The following ALG13 variants were observed in gnomAD, a reference collection of about 807,000 sequenced individuals.
The protein encoded by ALG13 is UDP-N-acetylglucosamine transferase subunit ALG13.
ALG13 carries 11 observed loss-of-function variants against 87.8 expected under a neutral mutation model. The ratio of observed to expected loss-of-function variants is 0.13; its 90% CI spans 0.08 to 0.21. The LOEUF is 0.21. Among genes scored for constraint, ALG13 ranks in the 10% least tolerant of loss-of-function variants. ALG13 has a pLI of 1.00. For missense variants in ALG13, 756 were observed against 866.1 expected (o/e 0.87, Z 1.60); for synonymous variants, 320 against 306.3 (o/e 1.04, Z -0.47).
In ALG13 at chrX:111,708,203, C is replaced by T; in HGVS notation, c.560C>T (p.Pro187Leu). Residue 187 changes from proline (P) to leucine (L), a missense_variant, in exon 4 of 27, where the codon CCC (proline) becomes CTC (leucine). Transcript: ENST00000394780. ...CATCCTACCTGCACCCTGCTTTTTC[C>T]CTCTTGCCACGCTTTTTTTCCTCTC... ...ATHPTCTLLFPSCHAFFPLPL... is the reference protein window; with the variant it reads ...ATHPTCTLLFLSCHAFFPLPL... The T allele has an allele frequency of 8.3e-7, 1 of 1,211,415 alleles. No homozygotes were observed. The highest frequency in any genetic ancestry group is 1.8e-5 in the South Asian group (1 of 56,981).
intron 3 of ALG13, among the ~76,000 whole-genome samples, chrX:111,705,874 TCTGATTCTCTCCCTCCTTCTC>T (rs1938656986): frequency 9.0e-6 from 1 of 110,901 alleles, no homozygotes; most frequent in African/African-American, 3.3e-5. Context: ...CTATTACTTT[TCTGATTCTCTCCCTCCTTCTC>T]CTGATTTTCC....
intron 3 of ALG13, among the ~76,000 whole-genome samples, chrX:111,686,658 A>G (rs1235855405): frequency 8.9e-6 from 1 of 111,825 alleles, no homozygotes; most frequent in Admixed American, 9.5e-5. Flanking sequence ...AGAGGAATAA[A>G]CTTATCTTCC....
chrX:111,692,608 A>G (rs1569512783), intron 3 of ALG13, among the ~76,000 whole-genome samples: 1 of 111,488 alleles, frequency 9.0e-6, no homozygotes, highest in Non-Finnish European at 1.9e-5. Context: ...TCAAGCACAT[A>G]TAAGAATAGC....
At chrX:111,759,437 A>T (rs1048297822) in intron 26 of ALG13, among the ~76,000 whole-genome samples, 1 of 111,766 alleles carries the variant, frequency 8.9e-6, no homozygotes, top group Non-Finnish European at 1.9e-5. Flanking sequence ...TTAATTAACT[A>T]GAAGGACTCT....
At chrX:111,746,801 G>A (rs1944280424) in intron 24 of ALG13, among the ~76,000 whole-genome samples, 1 of 111,985 alleles carries the variant, frequency 8.9e-6, no homozygotes, top group African/African-American at 3.2e-5. Flanking sequence ...TCCACCAGCA[G>A]CGTATGAGAA....
intron 25 of ALG13, among the ~76,000 whole-genome samples, chrX:111,754,456 G>C (rs1389928134): frequency 1.8e-5 from 2 of 111,272 alleles, no homozygotes; most frequent in Non-Finnish European, 3.8e-5. Context: ...AGAAAGAAAG[G>C]GTATACGAAT....
At chrX:111,745,536 C>CT (rs1307011851) in intron 24 of ALG13, among the ~76,000 whole-genome samples, 25 of 105,939 alleles carry the variant, frequency 2.4e-4, no homozygotes, top group South Asian at 4.1e-4. Context: ...TCTATTTTTG[C>CT]TTTTTTTTTT....
rs1942556235 is a variant in ALG13, at chrX:111,730,446, T to C, written c.2401+19T>C. The stretch of plus-strand genomic sequence containing the variant: ...CGTGCAGGTCAGTAAGATCTAGAAG[T>C]GATCTGGCATTCATCATTGTTTATA... On this transcript the variant is annotated intron_variant, in intron 20 of 26. Coordinates refer to ENST00000394780, the MANE Select transcript of ALG13 (RefSeq NM_001099922.3). The C allele has an allele frequency of 2.5e-6, 3 of 1,201,513 alleles. No homozygotes were observed. The highest frequency in any genetic ancestry group is 5.9e-5 in the East Asian group (2 of 33,769).
intron 23 of ALG13, among the ~76,000 whole-genome samples, chrX:111,738,135 A>G (rs146106279): frequency 8.9e-6 from 1 of 112,726 alleles, no homozygotes; most frequent in African/African-American, 3.2e-5. Context: ...TATTAATAAT[A>G]CAAAACATTA....
At chrX:111,751,066 CTTTTT>C (rs58149728) in intron 24 of ALG13, among the ~76,000 whole-genome samples, 3 of 74,503 alleles carry the variant, frequency 4.0e-5, no homozygotes, top group Admixed American at 1.4e-4. Context: ...ATAAGCATAA[CTTTTT>C]TTTTTTTTTT....
In ALG13 at chrX:111,744,767, C is replaced by A. The variant is rs773392173; in HGVS notation, c.2795C>A (p.Pro932Gln). 21 of 1,001,968 alleles carry A rather than the reference C, an allele frequency of 2.1e-5. No individual in the cohort carries two copies. Among genetic ancestry groups the A allele is most frequent in the Non-Finnish European group, 2.5e-5 (19 of 767,388 alleles). 82.6% of individuals were successfully genotyped at this position (1,001,968 alleles called of 1,213,427 possible). A position where few individuals can be genotyped will look rare whatever the true frequency, so the allele number is the denominator to read the frequency against. ...PPPPPPPPPPPPPPPPPPPPP... is the reference protein window; with the variant it reads ...PPPPPPPPPPQPPPPPPPPPP... ...CCACCACCACCACCACCACCACCAC[C>A]ACCTCCTCCTCCTCCTCCTCCTCCT... Residue 932 changes from proline (P) to glutamine (Q), a missense_variant, in exon 24 of 27, where the codon CCA (proline) becomes CAA (glutamine). Around this residue, in one of 9 missense-constraint regions of ALG13, gnomAD observed 362 missense variants for 383.5 expected, o/e 0.94. Coordinates refer to ENST00000394780, the MANE Select transcript of ALG13 (RefSeq NM_001099922.3).
rs752633635 is a variant in ALG13 at position 111,757,771 on chromosome X, G to T, written c.3148+9G>T. 1 of 1,196,115 alleles carries T rather than the reference G, an allele frequency of 8.4e-7. No individual in the cohort carries two copies. The highest frequency in any genetic ancestry group is 1.8e-5 in the South Asian group (1 of 54,124). ...GGAAGCATCAGCAAATGGTGAGTGT[G>T]TAATGAGATTGCCAGCAAGAAAGAC... On this transcript the variant is annotated intron_variant, in intron 26 of 26. Coordinates refer to ENST00000394780, the MANE Select transcript of ALG13 (RefSeq NM_001099922.3).
At chrX:111,691,905 G>T (rs2495810) in intron 3 of ALG13, among the ~76,000 whole-genome samples, 27,252 of 111,481 alleles carry the variant, frequency 0.24, 7,866 homozygotes, top group African/African-American at 0.83. Flanking sequence ...TTTTTTCTTA[G>T]TTGTATTTTA....
intron 3 of ALG13, among the ~76,000 whole-genome samples, chrX:111,705,725 C>T (rs187060233): frequency 8.9e-6 from 1 of 111,774 alleles, no homozygotes; most frequent in Admixed American, 9.5e-5. Flanking sequence ...TTCTATTCAA[C>T]TGATTTTGCA....
chrX:111,697,234 G>C (rs1353742351), intron 3 of ALG13, among the ~76,000 whole-genome samples: 1 of 111,611 alleles, frequency 9.0e-6, no homozygotes, highest in Non-Finnish European at 1.9e-5. Context: ...TCAAAAATGT[G>C]AAGCATTTAC....
chrX:111,751,081 T>C (rs1944697654), intron 24 of ALG13, among the ~76,000 whole-genome samples: 1 of 103,270 alleles, frequency 9.7e-6, no homozygotes, highest in Non-Finnish European at 2.0e-5. Context: ...TTTTTTTTTT[T>C]TTTTTTGCAA....
intron 3 of ALG13, among the ~76,000 whole-genome samples, chrX:111,691,602 A>G (rs998340279): frequency 8.9e-6 from 1 of 112,452 alleles, no homozygotes; most frequent in Non-Finnish European, 1.9e-5. Flanking sequence ...TTAGGGTCCA[A>G]GAGATGTTGT....
intron 2 of ALG13, among the ~76,000 whole-genome samples, chrX:111,684,105 T>C (rs1934292611): frequency 8.9e-6 from 1 of 111,811 alleles, no homozygotes. Context: ...CGAGTACCCA[T>C]ATAACCATTC....
At chrX:111,711,407 C>A (rs1455129003) in intron 5 of ALG13, among the ~76,000 whole-genome samples, 2 of 112,216 alleles carry the variant, frequency 1.8e-5, no homozygotes, top group Non-Finnish European at 3.8e-5. Context: ...ATTGGCATTT[C>A]AAATGAAACT....
Sources: gnomAD v4.1 joint callset for allele counts (sites outside exome capture counted in the v4.1 genomes callset) on GRCh38, gnomAD v4.1.1 for gene constraint, gnomAD v4.1.1 regional missense constraint, MANE v1.5 for transcripts, NCBI Gene and HGNC (gene_info 2026-07-23, HGNC 2026-07-21) for gene names.